The following SNX29 variants were observed in gnomAD, a reference collection of about 807,000 sequenced individuals.
The protein encoded by SNX29 is sorting nexin-29.
A neutral mutation model predicts 102.1 loss-of-function variants in SNX29; 78 were observed. That is an observed-to-expected ratio of 0.76 (90% CI 0.64 to 0.92). SNX29 has a LOEUF of 0.92. Ranked by LOEUF, SNX29 falls within the 40% of genes least tolerant of loss-of-function variation. The probability of loss-of-function intolerance (pLI) is 0.00; values close to 1 mark genes in which losing one functional copy is unlikely to be tolerated. For synonymous variants in SNX29, 580 were observed against 414.5 expected (o/e 1.40, Z -4.85); for missense variants, 1,280 against 1,061.7 (o/e 1.21, Z -2.86).
chr16:12,503,651 C>G (rs2089232774), intron 19 of SNX29, among the ~76,000 whole-genome samples: 1 of 152,190 alleles, frequency 6.6e-6, no homozygotes, highest in African/African-American at 2.4e-5. Flanking sequence ...GCGATCCCAG[C>G]AGAACGGGGT....
chr16:12,515,529 G>A (rs1185927315), intron 19 of SNX29: 2 of 490,528 alleles, frequency 4.1e-6, no homozygotes, highest in Non-Finnish European at 8.1e-6. Context: ...CTCCTGCCTG[G>A]ATGACTGCAG....
At chr16:12,389,966 G>C (rs539586678) in intron 16 of SNX29, among the ~76,000 whole-genome samples, 41 of 152,348 alleles carry the variant, frequency 2.7e-4, no homozygotes, top group South Asian at 1.9e-3. Flanking sequence ...CAGTAGGTCT[G>C]AGTGTTTCAC....
At chr16:12,485,305 G>T (rs1163428653) in intron 19 of SNX29, among the ~76,000 whole-genome samples, 1 of 152,158 alleles carries the variant, frequency 6.6e-6, no homozygotes, top group African/African-American at 2.4e-5. Context: ...ACTCGTTTTT[G>T]ATGATGTTAC....
intron 15 of SNX29, among the ~76,000 whole-genome samples, chr16:12,280,527 G>GT (rs1185541330): frequency 6.6e-6 from 1 of 150,980 alleles, no homozygotes. Context: ...TTTCCTTCTT[G>GT]TTTGTTTTTT....
At chr16:12,225,897 G>C (rs553940148) in intron 14 of SNX29, among the ~76,000 whole-genome samples, 1 of 152,274 alleles carries the variant, frequency 6.6e-6, no homozygotes, top group South Asian at 2.1e-4. Flanking sequence ...TTACTGAAGA[G>C]GCTCTCCTGC....
At chr16:12,078,954 G>A in intron 11 of SNX29, 39 bp downstream of exon 11, 1 of 1,540,038 alleles carries the variant, frequency 6.5e-7, no homozygotes, top group Non-Finnish European at 8.8e-7. Flanking sequence ...GCTCTGGGAT[G>A]ACTTCTGGCC....
intron 11 of SNX29, among the ~76,000 whole-genome samples, chr16:12,080,421 A>G (rs548660055): frequency 1.1e-4 from 16 of 152,198 alleles, no homozygotes; most frequent in Non-Finnish European, 2.2e-4. Context: ...GCAGGTGTTA[A>G]TAGATCACTC....
intron 13 of SNX29, among the ~76,000 whole-genome samples, chr16:12,178,531 T>C (rs529764365): frequency 7.2e-5 from 11 of 152,342 alleles, no homozygotes; most frequent in Non-Finnish European, 1.6e-4. Flanking sequence ...CCAGATGTCC[T>C]GAATGTTCCG....
At chr16:12,216,664 C>T (rs1479838761) in intron 14 of SNX29, among the ~76,000 whole-genome samples, 1 of 152,166 alleles carries the variant, frequency 6.6e-6, no homozygotes, top group African/African-American at 2.4e-5. Flanking sequence ...TAGCTCTGCC[C>T]TTTGCTAGCA....
chr16:12,529,328 C>T (rs902040975), intron 20 of SNX29, among the ~76,000 whole-genome samples: 39 of 152,160 alleles, frequency 2.6e-4, no homozygotes, highest in African/African-American at 9.2e-4. Flanking sequence ...CGTCGTCTGA[C>T]ATTTGGGGAA....
intron 20 of SNX29, among the ~76,000 whole-genome samples, chr16:12,527,606 A>G (rs374980559): frequency 6.6e-6 from 1 of 152,044 alleles, no homozygotes; most frequent in Non-Finnish European, 1.5e-5. Flanking sequence ...AATGAAATCT[A>G]TTTCATAGTG....
At chr16:12,091,758 C>CAG (rs35511975) in intron 11 of SNX29, among the ~76,000 whole-genome samples, 28,009 of 126,026 alleles carry the variant, frequency 0.22, 2,908 homozygotes, top group Middle Eastern at 0.33. Context: ...GCCTGGGCAA[C>CAG]AGAGCAAGAT....
intron 15 of SNX29, among the ~76,000 whole-genome samples, chr16:12,322,442 C>T (rs1302814366): frequency 6.6e-6 from 1 of 152,190 alleles, no homozygotes; most frequent in Non-Finnish European, 1.5e-5. Flanking sequence ...ATTTGAGAAA[C>T]TTCTCTGATC....
chr16:12,279,245 T>C (rs1418433478), intron 15 of SNX29, among the ~76,000 whole-genome samples: 1 of 152,114 alleles, frequency 6.6e-6, no homozygotes, highest in Admixed American at 6.5e-5. Flanking sequence ...TGAGCTTGGG[T>C]GGGTTTCAGA....
At position 12,570,587 on chromosome 16, in the gene SNX29, T is replaced by C. The variant is rs573473635; in HGVS notation, c.*1958T>C. On this transcript the variant is annotated 3_prime_UTR_variant, in exon 21 of 21. Coordinates refer to ENST00000566228, the MANE Select transcript of SNX29 (RefSeq NM_032167.5). ...CTCAGGAGTGCCTCCCTGGCCTGGG[T>C]AGCTACCCTGGAGGTCATCTCCCTG... The C allele has an allele frequency of 4.6e-4, 106 of 232,080 alleles. 1 individual carries two copies. Among genetic ancestry groups the C allele is most frequent in the African/African-American group, 2.1e-3 (95 of 45,352 alleles). The allele number at this position is 232,080 out of a possible 1,614,324, so 14.4% of individuals were successfully genotyped here. A position where few individuals can be genotyped will look rare whatever the true frequency, so the allele number is the denominator to read the frequency against.
chr16:12,524,728 A>T lies in SNX29; in HGVS notation c.2205A>T (p.Arg735Ser), dbSNP rs1452472023. The change falls in exon 20 of 21, where the codon AGA becomes AGT. Residue 735 changes from arginine (R) to serine (S), a missense_variant. Coordinates refer to ENST00000566228, the MANE Select transcript of SNX29 (RefSeq NM_032167.5). ...NKDAKFVEER[R>S]KQLQNYLRSV... ...ATGCCAAGTTTGTGGAGGAACGGAG[A>T]AAGCAGCTCCAGAATTACCTGCGCA... 6.2e-7 allele frequency: 1 copy of T among 1,613,460 alleles called. No homozygotes were observed. Among genetic ancestry groups the T allele is most frequent in the Non-Finnish European group, 8.5e-7 (1 of 1,179,706 alleles).
At chr16:12,192,227 C>G (rs952793712) in intron 13 of SNX29, among the ~76,000 whole-genome samples, 1 of 152,204 alleles carries the variant, frequency 6.6e-6, no homozygotes, top group South Asian at 2.1e-4. Context: ...GATTTGCTTT[C>G]GTTCCCATGC....
chr16:12,506,622 G>C (rs1273199503), intron 19 of SNX29, among the ~76,000 whole-genome samples: 1 of 152,200 alleles, frequency 6.6e-6, no homozygotes, highest in Non-Finnish European at 1.5e-5. Context: ...AAAGATGAAA[G>C]AAATCACTGA....
chr16:11,983,790 G>A, intron 1 of SNX29: 1 of 783,300 alleles, frequency 1.3e-6, no homozygotes, highest in South Asian at 5.8e-5. Context: ...TCTCCAAATT[G>A]TGGCAATGTG....
Sources: allele counts gnomAD v4.1 joint callset (sites outside exome capture counted in the v4.1 genomes callset), GRCh38; gene constraint gnomAD v4.1.1; transcripts MANE v1.5; gene names NCBI Gene and HGNC (gene_info 2026-07-23, HGNC 2026-07-21).